Variants in ZFAT observed in about 807,000 individuals in gnomAD.
ZFAT encodes the protein zinc finger protein ZFAT.
Under a neutral mutation model 117.7 loss-of-function variants are expected in ZFAT, and 64 were observed. The ratio of observed to expected loss-of-function variants is 0.54; its 90% CI spans 0.44 to 0.67. The LOEUF is 0.67. Among genes scored for constraint, ZFAT ranks in the 30% least tolerant of loss-of-function variants. The pLI, the probability that ZFAT is intolerant of heterozygous loss-of-function variation, is 0.00. For missense variants in ZFAT, 1,433 were observed against 1,584.5 expected (o/e 0.90, Z 1.62); for synonymous variants, 679 against 615.0 (o/e 1.10, Z -1.54).
intron 11 of ZFAT, among the ~76,000 whole-genome samples, chr8:134,549,154 A>G (rs1264600439): frequency 6.6e-6 from 1 of 152,174 alleles, no homozygotes; most frequent in Non-Finnish European, 1.5e-5. Flanking sequence ...TAGAAATACG[A>G]GTTCAGACCG....
chr8:134,623,289 C>T (rs891820666), intron 3 of ZFAT, among the ~76,000 whole-genome samples: 3 of 152,236 alleles, frequency 2.0e-5, no homozygotes, highest in Admixed American at 1.3e-4. Flanking sequence ...GTAGCCTTCC[C>T]TGCTCTCCAT....
intron 3 of ZFAT, among the ~76,000 whole-genome samples, chr8:134,624,377 C>T (rs1051415666): frequency 1.3e-5 from 2 of 151,852 alleles, no homozygotes; most frequent in Admixed American, 6.6e-5. Context: ...GTCCTGTGGC[C>T]GGGCATGGTG....
Position 134,588,399 on chromosome 8 carries a change from G to T in ZFAT, c.2564-4C>A. On this transcript the variant is annotated splice_polypyrimidine_tract_variant and splice_region_variant and intron_variant, in intron 8 of 15. Transcript: ENST00000377838. The stretch of plus-strand genomic sequence containing the variant: ...GAAATGGTGCTCATGGAGACCTCTA[G>T]AAGAAAAGCAGGATGTCAAAAGGAG... 1 of 1,572,274 alleles carries T rather than the reference G, an allele frequency of 6.4e-7. No homozygotes were observed.
the ZFAT span, among the ~76,000 whole-genome samples, chr8:134,767,683 G>A: frequency 6.6e-6 from 1 of 152,020 alleles, no homozygotes; most frequent in Non-Finnish European, 1.5e-5. Flanking sequence ...CAAAAATTAT[G>A]TTTTGGCTTC....
At chr8:134,498,312 T>G (rs71528354) in intron 15 of ZFAT, among the ~76,000 whole-genome samples, 672 of 87,740 alleles carry the variant, frequency 7.7e-3, no homozygotes, top group Middle Eastern at 0.015. Context: ...AGCCTGATTT[T>G]GTAGGGTTGG....
intron 15 of ZFAT, among the ~76,000 whole-genome samples, chr8:134,482,768 G>A (rs976838822): frequency 1.3e-5 from 2 of 152,226 alleles, no homozygotes; most frequent in Non-Finnish European, 2.9e-5. Flanking sequence ...TGGAGGCAAT[G>A]GTGATGTGTA....
Position 134,600,523 on chromosome 8 carries a change from G to T in ZFAT, c.2388C>A (p.Ile796=). ...AGCCATCGGTGGGACACTTCAGCAAGATGTTACTGTGTTTCTGAATTACGT... is the reference window on the plus strand; with the variant it reads ...AGCCATCGGTGGGACACTTCAGCAATATGTTACTGTGTTTCTGAATTACGT... ...KRHVIQKHSN[I]LLKCPTDGCD... Residue 796 remains isoleucine, a synonymous_variant, in exon 7 of 16, where the codon ATC becomes ATA. Coordinates refer to ENST00000377838, the MANE Select transcript of ZFAT (RefSeq NM_020863.4). 6.2e-7 allele frequency: 1 copy of T among 1,614,198 alleles called. No individual in the cohort carries two copies. Among genetic ancestry groups the T allele is most frequent in the Non-Finnish European group, 8.5e-7 (1 of 1,180,038 alleles).
At chr8:134,722,361 G>A in the ZFAT span, among the ~76,000 whole-genome samples, 113,455 of 152,072 alleles carry the variant, frequency 0.75, 43,734 homozygotes, top group Non-Finnish European at 0.85. Flanking sequence ...TTGCCCTATC[G>A]CATTCAAGGG....
the ZFAT span, among the ~76,000 whole-genome samples, chr8:134,788,841 G>A: frequency 6.6e-6 from 1 of 151,970 alleles, no homozygotes; most frequent in African/African-American, 2.4e-5. Flanking sequence ...CTCTGGTAAT[G>A]CTTTTTGCCT....
the ZFAT span, among the ~76,000 whole-genome samples, chr8:134,808,407 A>C: frequency 6.6e-6 from 1 of 152,194 alleles, no homozygotes; most frequent in South Asian, 2.1e-4. Context: ...TATTTTCTTG[A>C]CACACAAAAT....
intron 13 of ZFAT, among the ~76,000 whole-genome samples, chr8:134,514,203 G>T (rs1314937840): frequency 6.6e-6 from 1 of 152,220 alleles, no homozygotes; most frequent in Admixed American, 6.5e-5. Context: ...TGAGTATGGA[G>T]TCAACTACCC....
At chr8:134,605,186 C>A (rs189722841) in intron 5 of ZFAT, among the ~76,000 whole-genome samples, 2 of 152,142 alleles carry the variant, frequency 1.3e-5, no homozygotes, top group African/African-American at 2.4e-5. Flanking sequence ...GATGTCCATG[C>A]GAGTTCTATG....
At chr8:134,504,548 A>G (rs995773052) in intron 15 of ZFAT, among the ~76,000 whole-genome samples, 1 of 152,180 alleles carries the variant, frequency 6.6e-6, no homozygotes, top group Non-Finnish European at 1.5e-5. Context: ...GTTCTGCTAA[A>G]TATCAAGGGG....
the ZFAT span, among the ~76,000 whole-genome samples, chr8:134,783,230 T>C: frequency 6.6e-6 from 1 of 152,136 alleles, no homozygotes; most frequent in Admixed American, 6.5e-5. Context: ...GCAAAAGTAT[T>C]CCGTAAGTCA....
At chr8:134,498,329 G>A (rs1251897540) in intron 15 of ZFAT, among the ~76,000 whole-genome samples, 13 of 147,840 alleles carry the variant, frequency 8.8e-5, no homozygotes, top group Non-Finnish European at 1.6e-4. Flanking sequence ...TTGGGGTGGA[G>A]CTGGGATGCC....
the ZFAT span, among the ~76,000 whole-genome samples, chr8:134,824,984 T>A: frequency 6.6e-6 from 1 of 152,210 alleles, no homozygotes; most frequent in Non-Finnish European, 1.5e-5. Flanking sequence ...AAACTTGAAT[T>A]TTCCTAACAA....
chr8:134,622,040 T>G (rs538916418), intron 3 of ZFAT, among the ~76,000 whole-genome samples: 2 of 152,350 alleles, frequency 1.3e-5, no homozygotes, highest in African/African-American at 4.8e-5. Flanking sequence ...TGCAGAACCT[T>G]CTCACATGGT....
At chr8:134,663,002 G>A (rs908800599) in intron 1 of ZFAT, among the ~76,000 whole-genome samples, 7 of 152,250 alleles carry the variant, frequency 4.6e-5, no homozygotes, top group African/African-American at 9.6e-5. Flanking sequence ...GCACAGACAC[G>A]CACAAGGGTG....
the ZFAT span, among the ~76,000 whole-genome samples, chr8:134,788,652 T>C: frequency 6.6e-6 from 1 of 152,150 alleles, no homozygotes; most frequent in South Asian, 2.1e-4. Flanking sequence ...GGATAGTCTA[T>C]CAGCTATGGA....
Sources: gnomAD v4.1 joint callset for allele counts (sites outside exome capture counted in the v4.1 genomes callset) on GRCh38, gnomAD v4.1.1 for gene constraint, MANE v1.5 for transcripts, NCBI Gene and HGNC (gene_info 2026-07-23, HGNC 2026-07-21) for gene names.